Variants in VPS41 observed in about 807,000 individuals in gnomAD.
VPS41 encodes the protein vacuolar protein sorting-associated protein 41 homolog.
In VPS41, 85 loss-of-function variants were observed where a neutral mutation model predicts 130.9. That is an observed-to-expected ratio of 0.65 (90% CI 0.55 to 0.78). The LOEUF is 0.78. VPS41 is among the 30% of genes least tolerant of loss of function. The probability of loss-of-function intolerance (pLI) is 0.00; values close to 1 mark genes in which losing one functional copy is unlikely to be tolerated. For missense variants in VPS41, 874 were observed against 1,018.7 expected, an observed-to-expected ratio of 0.86 and a Z score of 1.93; for synonymous variants, 335 against 332.9, an observed-to-expected ratio of 1.01 and a Z score of -0.07.
chr7:38,739,672 G>C (rs1009341431), intron 25 of VPS41, among the ~76,000 whole-genome samples: 3 of 152,170 alleles, frequency 2.0e-5, no homozygotes, highest in Non-Finnish European at 2.9e-5. Context: ...CTCCAGTGGG[G>C]ACTCCAGATG....
At chr7:38,890,039 C>A (rs1786827911) in intron 2 of VPS41, among the ~76,000 whole-genome samples, 1 of 152,040 alleles carries the variant, frequency 6.6e-6, no homozygotes. Context: ...ATACCTAGAG[C>A]AACCACTAGG....
intron 5 of VPS41, among the ~76,000 whole-genome samples, chr7:38,822,979 G>A (rs1785206514): frequency 6.6e-6 from 1 of 152,148 alleles, no homozygotes; most frequent in South Asian, 2.1e-4. Context: ...CTAGTCTCTA[G>A]TATAGTGGTA....
intron 22 of VPS41, among the ~76,000 whole-genome samples, chr7:38,747,572 C>T (rs915736527): frequency 6.6e-6 from 1 of 152,236 alleles, no homozygotes; most frequent in African/African-American, 2.4e-5. Context: ...TACCCATTTT[C>T]TTCTGCACAT....
At chr7:38,885,472 G>A (rs1002526849) in intron 2 of VPS41, among the ~76,000 whole-genome samples, 12 of 152,060 alleles carry the variant, frequency 7.9e-5, no homozygotes, top group East Asian at 3.9e-4. Flanking sequence ...ATTATTAATC[G>A]CTCAATTTCC....
chr7:38,852,428 C>A (rs993237523), intron 4 of VPS41, among the ~76,000 whole-genome samples: 1 of 152,188 alleles, frequency 6.6e-6, no homozygotes, highest in Non-Finnish European at 1.5e-5. Context: ...AATCCCTTTA[C>A]TAAATACTAA....
intron 25 of VPS41, among the ~76,000 whole-genome samples, chr7:38,735,527 G>A (rs757686): frequency 6.6e-6 from 1 of 152,120 alleles, no homozygotes; most frequent in African/African-American, 2.4e-5. Context: ...ATATGTGTAT[G>A]TGTGTGTGTC....
chr7:38,840,168 C>G (rs1785580898), intron 4 of VPS41, among the ~76,000 whole-genome samples: 1 of 152,232 alleles, frequency 6.6e-6, no homozygotes, highest in African/African-American at 2.4e-5. Flanking sequence ...CTGCTGACCA[C>G]TGCTTCCTTC....
At chr7:38,893,055 G>T (rs1281059851) in intron 2 of VPS41, among the ~76,000 whole-genome samples, 1 of 152,094 alleles carries the variant, frequency 6.6e-6, no homozygotes, top group African/African-American at 2.4e-5. Flanking sequence ...CAGTTCATCT[G>T]TCACCAACCC....
At chr7:38,885,272 A>G (rs1282571467) in intron 2 of VPS41, among the ~76,000 whole-genome samples, 1 of 152,012 alleles carries the variant, frequency 6.6e-6, no homozygotes, top group African/African-American at 2.4e-5. Flanking sequence ...ACGGGGTTTC[A>G]CCGTATTAGC....
intron 5 of VPS41, among the ~76,000 whole-genome samples, chr7:38,825,490 A>G (rs1432328559): frequency 2.0e-5 from 3 of 152,144 alleles, no homozygotes; most frequent in Non-Finnish European, 1.5e-5. Context: ...TTTGTCTGTG[A>G]AAATCACACT....
intron 2 of VPS41, among the ~76,000 whole-genome samples, chr7:38,873,191 C>G (rs1171280111): frequency 1.3e-5 from 2 of 152,042 alleles, no homozygotes; most frequent in African/African-American, 2.4e-5. Context: ...AAAATGAAAA[C>G]TCCAATATTA....
rs531416177 is a variant in VPS41 at position 38,771,265 on chromosome 7, A to AACATAAGG, written c.1129-19_1129-12dup. The AACATAAGG allele has an allele frequency of 2.5e-4, 392 of 1,575,478 alleles. 7 individuals are homozygous for AACATAAGG. In the South Asian group the frequency reaches 4.3e-3, roughly 17 times the overall value. On this transcript the variant is annotated splice_polypyrimidine_tract_variant and intron_variant, in intron 13 of 28. Coordinates refer to ENST00000310301, the MANE Select transcript of VPS41 (RefSeq NM_014396.4). ...TGCCATCAATGCTTCCTTTATTCCA[A>AACATAAGG]ACATAAGGATGATTTAAAAAAAAAA...
At chr7:38,751,536 T>C (rs554012534) in intron 22 of VPS41, among the ~76,000 whole-genome samples, 2 of 152,344 alleles carry the variant, frequency 1.3e-5, no homozygotes, top group South Asian at 4.1e-4. Context: ...AATTTATTCA[T>C]TCATTCTCTC....
intron 2 of VPS41, among the ~76,000 whole-genome samples, chr7:38,872,318 T>G (rs887465727): frequency 6.6e-6 from 1 of 152,214 alleles, no homozygotes; most frequent in Non-Finnish European, 1.5e-5. Flanking sequence ...GCCCCATCCA[T>G]GTTTCATATG....
chr7:38,859,204 G>A (rs1048458927), intron 4 of VPS41, among the ~76,000 whole-genome samples: 19 of 152,112 alleles, frequency 1.2e-4, no homozygotes, highest in Admixed American at 1.1e-3. Flanking sequence ...TTGCTTTAAG[G>A]TGTGCTATTA....
chr7:38,907,304 T>G (rs1252113910), intron 1 of VPS41, among the ~76,000 whole-genome samples: 1 of 152,192 alleles, frequency 6.6e-6, no homozygotes, highest in Non-Finnish European at 1.5e-5. Context: ...CCTGGCTTTT[T>G]GAAGACTAAG....
In VPS41 at chr7:38,733,029, T is replaced by C. The variant is rs1338903430; in HGVS notation, c.2260-4238A>G. On this transcript the variant is annotated intron_variant, in intron 25 of 28. Transcript: ENST00000310301. ...TTTTAGTACAGACAGGTTTTCACCATGTTGCTCAGGCTTATCTCAAACTGC... is the reference window on the plus strand; with the variant it reads ...TTTTAGTACAGACAGGTTTTCACCACGTTGCTCAGGCTTATCTCAAACTGC... Among the ~76,000 whole-genome samples, 4 of 152,278 alleles carry C rather than the reference T, an allele frequency of 2.6e-5. No homozygotes were observed. In the East Asian group the frequency reaches 7.7e-4, roughly 29 times the overall value.
At chr7:38,816,730 G>A (rs924969875) in intron 7 of VPS41, among the ~76,000 whole-genome samples, 5 of 152,098 alleles carry the variant, frequency 3.3e-5, no homozygotes, top group Non-Finnish European at 1.5e-5. Flanking sequence ...ATATATGAAA[G>A]TTTTTCTCTC....
rs886657115 is a variant in VPS41 at position 38,724,646 on chromosome 7, T to G, written c.*1600A>C. 6.6e-6 allele frequency: 1 copy of G among 150,662 alleles called. No homozygotes were observed. The highest frequency in any genetic ancestry group is 2.5e-5 in the African/African-American group (1 of 39,872). The allele number at this position is 150,662 out of a possible 1,614,324, so 9.3% of individuals were successfully genotyped here. On this transcript the variant is annotated 3_prime_UTR_variant, in exon 29 of 29. Transcript: ENST00000310301. The stretch of plus-strand genomic sequence containing the variant: ...TTTGCTCTTGTTGCCCAGGCTGGAG[T>G]GCAATGGCGCGATCTCAGCTCACCA...
Sources: gnomAD v4.1 joint callset for allele counts (sites outside exome capture counted in the v4.1 genomes callset) on GRCh38, gnomAD v4.1.1 for gene constraint, MANE v1.5 for transcripts, NCBI Gene and HGNC (gene_info 2026-07-23, HGNC 2026-07-21) for gene names.